The following ZRANB3 variants were observed in gnomAD, a reference collection of about 807,000 sequenced individuals.
ZRANB3 encodes zinc finger RANBP2-type containing 3, also known as DNA annealing helicase and endonuclease ZRANB3.
In ZRANB3, 125 loss-of-function variants were observed where a neutral mutation model predicts 133.8. The ratio of observed to expected loss-of-function variants is 0.93; its 90% confidence interval spans 0.81 to 1.08. The LOEUF (loss-of-function observed/expected upper bound fraction) is 1.08. Ranked by LOEUF, ZRANB3 falls within the 50% of genes least tolerant of loss-of-function variation. The probability of loss-of-function intolerance (pLI) is 0.00; values close to 1 mark genes in which losing one functional copy is unlikely to be tolerated. For synonymous variants in ZRANB3, 387 were observed against 432.7 expected (o/e 0.89, Z 1.31); for missense variants, 1,229 against 1,275.5 (o/e 0.96, Z 0.56).
intron 2 of ZRANB3, among the ~76,000 whole-genome samples, chr2:135,432,163 T>A (rs1689350687): frequency 6.6e-6 from 1 of 152,064 alleles, no homozygotes; most frequent in Admixed American, 6.6e-5. Flanking sequence ...GGCAGGAGAA[T>A]CGCTTGAACC....
rs183766246 is a variant in ZRANB3 at position 135,276,045 on chromosome 2, C to T, written c.967-290G>A. 3.3e-5 allele frequency among the ~76,000 whole-genome samples: 5 copies of T among 152,076 alleles called. No individual in the cohort carries two copies. In the East Asian group the frequency reaches 7.7e-4, roughly 24 times the overall value. ...AATGGAAAGGAGGTAGTCAAGTAGG[C>T]TATGGCCAAGAAGGAGTTGGCAGTT... is the stretch of plus-strand genomic sequence containing the variant. On this transcript the variant is annotated intron_variant, in intron 8 of 20. Coordinates refer to ENST00000264159, the MANE Select transcript of ZRANB3 (RefSeq NM_032143.4).
intron 2 of ZRANB3, among the ~76,000 whole-genome samples, chr2:135,396,676 G>C (rs1687502851): frequency 6.6e-6 from 1 of 152,020 alleles, no homozygotes; most frequent in Non-Finnish European, 1.5e-5. Context: ...GAAGGGTAGT[G>C]GTGGGGTAGG....
chr2:135,350,870 C>T (rs1302491591), intron 4 of ZRANB3, among the ~76,000 whole-genome samples: 3 of 152,152 alleles, frequency 2.0e-5, no homozygotes, highest in Admixed American at 6.5e-5. Flanking sequence ...AAAATGATCC[C>T]TGATCTTTAG....
chr2:135,302,732 G>T (rs1266027627), intron 8 of ZRANB3, among the ~76,000 whole-genome samples: 1 of 152,034 alleles, frequency 6.6e-6, no homozygotes, highest in Admixed American at 6.6e-5. Flanking sequence ...CACCATGCTG[G>T]CCAGGCTGGT....
At position 135,385,028 on chromosome 2, in the gene ZRANB3, G is replaced by C. The variant is rs529459906; in HGVS notation, c.180+5774C>G. On this transcript the variant is annotated intron_variant, in intron 3 of 20. Transcript: ENST00000264159. The stretch of plus-strand genomic sequence containing the variant: ...GCAGGAGAAAGAAATAAAGGGTATT[G>C]AAATAGGAAAAGAGGAAGTCAAATT... Among the ~76,000 whole-genome samples, 29 of 152,180 alleles carry C rather than the reference G, an allele frequency of 1.9e-4. No individual in the cohort carries two copies. The South Asian group carries it at 5.4e-3, about 28-fold the overall frequency.
intron 2 of ZRANB3, among the ~76,000 whole-genome samples, chr2:135,470,624 T>C (rs1220846223): frequency 1.3e-5 from 2 of 148,440 alleles, no homozygotes; most frequent in African/African-American, 5.0e-5. Flanking sequence ...GAGGCGGAGG[T>C]TGAAGTGATC....
intron 2 of ZRANB3, among the ~76,000 whole-genome samples, chr2:135,411,732 A>G (rs1263453900): frequency 6.6e-6 from 1 of 152,222 alleles, no homozygotes; most frequent in Admixed American, 6.5e-5. Flanking sequence ...ATGGGTACAC[A>G]TAAAAATGAA....
At chr2:135,246,853 C>A (rs1421425943) in intron 12 of ZRANB3, among the ~76,000 whole-genome samples, 2 of 152,158 alleles carry the variant, frequency 1.3e-5, no homozygotes, top group Non-Finnish European at 2.9e-5. Flanking sequence ...AGTTCAGAGT[C>A]CTAATCTTTT....
chr2:135,298,808 G>A (rs1351396169), intron 8 of ZRANB3, among the ~76,000 whole-genome samples: 4 of 152,210 alleles, frequency 2.6e-5, no homozygotes, highest in Admixed American at 2.6e-4. Context: ...GGTTGTGCTA[G>A]CAGTGAATTT....
chr2:135,200,541 A>G lies in ZRANB3; in HGVS notation c.3142-101T>C, dbSNP rs375835625. ...TTGTTAGTTTGGAAAATCTACAGTCACTACACCCATTTTCCAGTGGTTGGC... is the reference window on the plus strand; with the variant it reads ...TTGTTAGTTTGGAAAATCTACAGTCGCTACACCCATTTTCCAGTGGTTGGC... On this transcript the variant is annotated intron_variant, in intron 20 of 20. Transcript: ENST00000264159. The G allele has an allele frequency of 1.9e-4, 178 of 940,904 alleles. 1 individual carries two copies. The South Asian group carries it at 2.7e-3, about 14-fold the overall frequency. The allele number at this position is 940,904 out of a possible 1,614,324, so 58.3% of individuals were successfully genotyped here.
At chr2:135,291,252 G>A (rs766976051) in intron 8 of ZRANB3, among the ~76,000 whole-genome samples, 24 of 151,916 alleles carry the variant, frequency 1.6e-4, no homozygotes, top group Admixed American at 1.3e-4. Flanking sequence ...GCATGATCTT[G>A]GCTCAAGGCA....
intron 12 of ZRANB3, among the ~76,000 whole-genome samples, chr2:135,252,901 T>C (rs1417348405): frequency 1.3e-5 from 2 of 152,196 alleles, no homozygotes; most frequent in Non-Finnish European, 2.9e-5. Flanking sequence ...TGCTATTAGA[T>C]AGGATTCCAC....
At chr2:135,312,702 C>A (rs1683055579) in intron 8 of ZRANB3, among the ~76,000 whole-genome samples, 1 of 151,862 alleles carries the variant, frequency 6.6e-6, no homozygotes, top group Admixed American at 6.6e-5. Context: ...TGTAGTAAAA[C>A]CATGGGAATA....
intron 3 of ZRANB3, among the ~76,000 whole-genome samples, chr2:135,370,999 G>C (rs1686153875): frequency 6.6e-6 from 1 of 152,108 alleles, no homozygotes; most frequent in African/African-American, 2.4e-5. Flanking sequence ...ATAACCTTAA[G>C]CTTCTTGAGG....
chr2:135,306,884 C>A (rs1682733619), intron 8 of ZRANB3, among the ~76,000 whole-genome samples: 1 of 151,930 alleles, frequency 6.6e-6, no homozygotes, highest in Admixed American at 6.6e-5. Context: ...GCCACTGTAC[C>A]CAGCTTATTT....
chr2:135,239,130 T>C (rs1293203310), intron 12 of ZRANB3, among the ~76,000 whole-genome samples: 1 of 152,212 alleles, frequency 6.6e-6, no homozygotes, highest in African/African-American at 2.4e-5. Flanking sequence ...AAATACCATA[T>C]ATTGTAAATG....
chr2:135,379,437 G>A (rs780622533), intron 3 of ZRANB3, among the ~76,000 whole-genome samples: 1 of 152,196 alleles, frequency 6.6e-6, no homozygotes, highest in Non-Finnish European at 1.5e-5. Flanking sequence ...GTAATTGACA[G>A]TGAGAGTTGG....
chr2:135,417,645 T>C (rs1305897256), intron 2 of ZRANB3, among the ~76,000 whole-genome samples: 1 of 152,192 alleles, frequency 6.6e-6, no homozygotes, highest in Non-Finnish European at 1.5e-5. Flanking sequence ...CATGCTGCTA[T>C]AAAGACACAT....
chr2:135,272,879 A>G (rs562656710), intron 9 of ZRANB3, among the ~76,000 whole-genome samples: 1 of 152,126 alleles, frequency 6.6e-6, no homozygotes, highest in East Asian at 1.9e-4. Flanking sequence ...ATGTGTTAGA[A>G]TAGCTAAAAA....
Sources: allele counts gnomAD v4.1 joint callset (sites outside exome capture counted in the v4.1 genomes callset), GRCh38; gene constraint gnomAD v4.1.1; transcripts MANE v1.5; gene names NCBI Gene and HGNC (gene_info 2026-07-23, HGNC 2026-07-21).